Variants in SCAMP1 observed in about 807,000 individuals in gnomAD.
SCAMP1 encodes secretory carrier-associated membrane protein 1.
A neutral mutation model predicts 41.8 loss-of-function variants in SCAMP1; 15 were observed. That is an observed-to-expected ratio of 0.36 (90% confidence interval 0.24 to 0.55). The LOEUF is 0.55. Ranked by LOEUF, SCAMP1 falls within the 20% of genes least tolerant of loss-of-function variation. The pLI, the probability that SCAMP1 is intolerant of heterozygous loss-of-function variation, is 0.86. For missense variants in SCAMP1, 341 were observed against 412.6 expected (o/e 0.83, Z 1.50); for synonymous variants, 135 against 136.8 (o/e 0.99, Z 0.09).
intron 4 of SCAMP1, among the ~76,000 whole-genome samples, chr5:78,418,529 A>G (rs1359246979): frequency 2.0e-5 from 3 of 152,150 alleles, no homozygotes; most frequent in African/African-American, 7.2e-5. Flanking sequence ...CCTGCTAAAC[A>G]TGGTATGATA....
At chr5:78,450,503 C>T (rs1753196385) in intron 7 of SCAMP1, among the ~76,000 whole-genome samples, 1 of 152,180 alleles carries the variant, frequency 6.6e-6, no homozygotes, top group African/African-American at 2.4e-5. Context: ...ACGTTATATA[C>T]ATATATCTTT....
chr5:78,471,021 GTAA>G (rs1753872024), intron 8 of SCAMP1, among the ~76,000 whole-genome samples: 1 of 152,128 alleles, frequency 6.6e-6, no homozygotes, highest in Admixed American at 6.5e-5. Context: ...TCAGCAGGTA[GTAA>G]TAATAATTAT....
intron 8 of SCAMP1, among the ~76,000 whole-genome samples, chr5:78,473,301 A>T (rs1382385642): frequency 1.3e-5 from 2 of 151,988 alleles, no homozygotes; most frequent in Non-Finnish European, 2.9e-5. Context: ...ACCGTGATAG[A>T]TTTTCATGCA....
chr5:78,454,321 G>A (rs1372932989), intron 7 of SCAMP1, among the ~76,000 whole-genome samples: 11 of 152,200 alleles, frequency 7.2e-5, no homozygotes, highest in Admixed American at 2.6e-4. Context: ...CTGTGGGGTT[G>A]TCATAGATAG....
intron 6 of SCAMP1, among the ~76,000 whole-genome samples, chr5:78,431,428 T>C (rs1752620067): frequency 1.3e-5 from 2 of 151,758 alleles, no homozygotes; most frequent in Non-Finnish European, 2.9e-5. Flanking sequence ...GCTTATGCCA[T>C]TTATATTTAA....
At chr5:78,391,529 T>C (rs1441949528) in intron 2 of SCAMP1, among the ~76,000 whole-genome samples, 1 of 149,154 alleles carries the variant, frequency 6.7e-6, no homozygotes, top group African/African-American at 2.5e-5. Flanking sequence ...ACGGGGTGGC[T>C]GCCGGGCGGA....
intron 6 of SCAMP1, among the ~76,000 whole-genome samples, chr5:78,444,717 G>A (rs1753012705): frequency 6.6e-6 from 1 of 152,268 alleles, no homozygotes. Context: ...ACTTCTGTGA[G>A]CAGGACATTA....
chr5:78,360,787 A>C lies in SCAMP1; in HGVS notation c.57+59A>C, dbSNP rs547991903. The stretch of plus-strand genomic sequence containing the variant: ...GACGCGTCGTTGTTTGTGAAAACGG[A>C]CGAGTTCCTTCGCGCCCACTGCGTC... On this transcript the variant is annotated intron_variant, in intron 1 of 8. Transcript: ENST00000621999. 4.6e-6 allele frequency: 7 copies of C among 1,511,456 alleles called. No individual in the cohort carries two copies. In the Admixed American group the frequency reaches 7.4e-5, roughly 16 times the overall value. The allele number at this position is 1,511,456 out of a possible 1,614,324, so 93.6% of individuals were successfully genotyped here. A position where few individuals can be genotyped will look rare whatever the true frequency, so the allele number is the denominator to read the frequency against.
Position 78,457,471 on chromosome 5 carries a change from G to T in SCAMP1, c.735-1774G>T, listed in dbSNP as rs189226762. 5.0e-3 allele frequency among the ~76,000 whole-genome samples: 766 copies of T among 152,158 alleles called. 5 individuals are homozygous for T. Among genetic ancestry groups the T allele is most frequent in the South Asian group, 0.031 (148 of 4,810 alleles). On this transcript the variant is annotated intron_variant, in intron 7 of 8. Transcript: ENST00000621999. Reference sequence around the variant, plus strand: ...GTAAGGTGTCAGTGTGCCCCTGCTGGGGGGTGCCTCCCAGTTAGGCTGCTC... The same window carrying T: ...GTAAGGTGTCAGTGTGCCCCTGCTGTGGGGTGCCTCCCAGTTAGGCTGCTC...
chr5:78,418,964 AT>A, intron 5 of SCAMP1, 61 bp downstream of exon 5: 1 of 1,412,214 alleles, frequency 7.1e-7, no homozygotes, highest in Non-Finnish European at 9.6e-7. Context: ...CAAAATCCGC[AT>A]TTTTATTTCA....
intron 6 of SCAMP1, among the ~76,000 whole-genome samples, chr5:78,442,754 T>A (rs1426489726): frequency 6.6e-6 from 1 of 152,210 alleles, no homozygotes; most frequent in Non-Finnish European, 1.5e-5. Context: ...AAATGTGAGA[T>A]TTTAGTTGTT....
At chr5:78,439,265 C>A (rs934882134) in intron 6 of SCAMP1, among the ~76,000 whole-genome samples, 30 of 152,062 alleles carry the variant, frequency 2.0e-4, no homozygotes, top group Admixed American at 5.2e-4. Context: ...TTATGATGTT[C>A]GCTGGTTATT....
chr5:78,405,118 C>T (rs1174926725), intron 2 of SCAMP1, among the ~76,000 whole-genome samples: 2 of 152,188 alleles, frequency 1.3e-5, no homozygotes, highest in Admixed American at 6.5e-5. Context: ...CATCTCTTAA[C>T]GATCCAGAAT....
At chr5:78,414,744 A>G (rs1752167403) in intron 2 of SCAMP1, among the ~76,000 whole-genome samples, 1 of 152,100 alleles carries the variant, frequency 6.6e-6, no homozygotes, top group Non-Finnish European at 1.5e-5. Flanking sequence ...ACTGATCCTC[A>G]CTGGCAAAGT....
chr5:78,408,080 TAGTC>T (rs1386354274), intron 2 of SCAMP1, among the ~76,000 whole-genome samples: 2 of 152,170 alleles, frequency 1.3e-5, no homozygotes, highest in African/African-American at 4.8e-5. Context: ...CCTGGTGTAT[TAGTC>T]AGTTCTCATG....
At chr5:78,360,924 G>T (rs1246912072) in intron 1 of SCAMP1, 196 bp downstream of exon 1, 7 of 584,728 alleles carry the variant, frequency 1.2e-5, no homozygotes, top group Non-Finnish European at 2.1e-5. Flanking sequence ...CTTGGGGGTG[G>T]AACCTCCTCA....
intron 6 of SCAMP1, among the ~76,000 whole-genome samples, chr5:78,440,681 G>A (rs762898128): frequency 2.0e-5 from 3 of 152,180 alleles, no homozygotes; most frequent in African/African-American, 4.8e-5. Flanking sequence ...GAGGCAGTCC[G>A]TCCGTCCTCA....
At chr5:78,429,293 T>G (rs1752540349) in intron 6 of SCAMP1, among the ~76,000 whole-genome samples, 1 of 151,680 alleles carries the variant, frequency 6.6e-6, no homozygotes, top group Admixed American at 6.6e-5. Flanking sequence ...TTTTTGTAGA[T>G]GCCCTTTGTT....
intron 2 of SCAMP1, among the ~76,000 whole-genome samples, chr5:78,403,719 G>T (rs1032995612): frequency 6.6e-6 from 1 of 152,076 alleles, no homozygotes; most frequent in South Asian, 2.1e-4. Flanking sequence ...TAATCCCAGC[G>T]TTTTGGGAGG....
Sources: gnomAD v4.1 joint callset for allele counts (sites outside exome capture counted in the v4.1 genomes callset) on GRCh38, gnomAD v4.1.1 for gene constraint, MANE v1.5 for transcripts, NCBI Gene and HGNC (gene_info 2026-07-23, HGNC 2026-07-21) for gene names.